The following MAPKAP1 variants were observed in gnomAD, a reference collection of about 807,000 sequenced individuals.
MAPKAP1 encodes target of rapamycin complex 2 subunit MAPKAP1.
A neutral mutation model predicts 65.7 loss-of-function variants in MAPKAP1; 20 were observed. That is an observed-to-expected ratio of 0.30 (90% CI 0.21 to 0.44). MAPKAP1 has a LOEUF of 0.44. Ranked by LOEUF, MAPKAP1 falls within the 20% of genes least tolerant of loss-of-function variation. MAPKAP1 has a pLI of 1.00. For synonymous variants in MAPKAP1, 222 were observed against 244.3 expected (o/e 0.91, Z 0.85); for missense variants, 423 against 648.0 (o/e 0.65, Z 3.77).
chr9:125,654,480 G>A (rs1466833113), intron 4 of MAPKAP1, among the ~76,000 whole-genome samples: 1 of 152,094 alleles, frequency 6.6e-6, no homozygotes, highest in Non-Finnish European at 1.5e-5. Flanking sequence ...AGATCACAGA[G>A]AGCATCACCA....
At chr9:125,681,007 T>A (rs1487454110) in intron 1 of MAPKAP1, among the ~76,000 whole-genome samples, 1 of 152,234 alleles carries the variant, frequency 6.6e-6, no homozygotes, top group Non-Finnish European at 1.5e-5. Context: ...TCACTTTTCA[T>A]GTAACAACAT....
chr9:125,607,388 A>G (rs889708618), intron 4 of MAPKAP1, among the ~76,000 whole-genome samples: 36 of 152,246 alleles, frequency 2.4e-4, no homozygotes, highest in African/African-American at 8.7e-4. Flanking sequence ...ATATTTATCA[A>G]ACACTATAGG....
At chr9:125,618,607 G>C (rs1832811070) in intron 4 of MAPKAP1, among the ~76,000 whole-genome samples, 1 of 151,980 alleles carries the variant, frequency 6.6e-6, no homozygotes, top group Admixed American at 6.5e-5. Flanking sequence ...CAGAATGGAA[G>C]AAAAAAGAAT....
chr9:125,698,796 T>C (rs1234518490), intron 1 of MAPKAP1, among the ~76,000 whole-genome samples: 1 of 152,198 alleles, frequency 6.6e-6, no homozygotes, highest in East Asian at 1.9e-4. Flanking sequence ...GAAGTGTTTC[T>C]TGTTACTCAG....
At chr9:125,568,505 C>T (rs1430700408) in intron 5 of MAPKAP1, among the ~76,000 whole-genome samples, 1 of 152,174 alleles carries the variant, frequency 6.6e-6, no homozygotes, top group Non-Finnish European at 1.5e-5. Context: ...CCCCACCCTG[C>T]CACAGGCAAT....
intron 4 of MAPKAP1, among the ~76,000 whole-genome samples, chr9:125,629,814 T>C (rs1833225460): frequency 6.6e-6 from 1 of 152,196 alleles, no homozygotes; most frequent in Admixed American, 6.5e-5. Flanking sequence ...AATGCAGGCA[T>C]GGTTCACTCC....
At chr9:125,608,961 T>C (rs745879020) in intron 4 of MAPKAP1, among the ~76,000 whole-genome samples, 2 of 152,088 alleles carry the variant, frequency 1.3e-5, no homozygotes, top group Non-Finnish European at 2.9e-5. Context: ...GTTACACAAT[T>C]CCCTCTTATT....
At chr9:125,527,130 T>C (rs1476307521) in intron 7 of MAPKAP1, among the ~76,000 whole-genome samples, 2 of 151,600 alleles carry the variant, frequency 1.3e-5, no homozygotes, top group Non-Finnish European at 1.5e-5. Flanking sequence ...AGTGGCGCGA[T>C]CTTGGCTCAC....
At chr9:125,542,373 G>A (rs993509993) in intron 7 of MAPKAP1, among the ~76,000 whole-genome samples, 1 of 152,116 alleles carries the variant, frequency 6.6e-6, no homozygotes, top group African/African-American at 2.4e-5. Flanking sequence ...TTTATTTACA[G>A]AGCTAAGATA....
chr9:125,481,272 A>T (rs994323190), intron 9 of MAPKAP1, among the ~76,000 whole-genome samples: 2 of 151,934 alleles, frequency 1.3e-5, no homozygotes, highest in South Asian at 2.1e-4. Flanking sequence ...TTGCCTTTGG[A>T]AAAAAGTGGG....
chr9:125,490,982 C>T (rs1475666354), intron 8 of MAPKAP1, among the ~76,000 whole-genome samples: 1 of 151,488 alleles, frequency 6.6e-6, no homozygotes, highest in African/African-American at 2.4e-5. Context: ...TATAAAAATA[C>T]AAAAAATTAG....
At chr9:125,551,983 G>A (rs1830597987) in intron 6 of MAPKAP1, among the ~76,000 whole-genome samples, 1 of 152,126 alleles carries the variant, frequency 6.6e-6, no homozygotes, top group African/African-American at 2.4e-5. Context: ...GGCACTATCT[G>A]AGCTCCAGCT....
At chr9:125,640,315 G>A (rs2131708404) in intron 4 of MAPKAP1, among the ~76,000 whole-genome samples, 1 of 152,090 alleles carries the variant, frequency 6.6e-6, no homozygotes, top group African/African-American at 2.4e-5. Context: ...GTGTTAGCCA[G>A]GATGGTCTCG....
intron 9 of MAPKAP1, among the ~76,000 whole-genome samples, chr9:125,481,865 TCACGCCTGTAATCCCAG>T (rs1564526231): frequency 6.6e-6 from 1 of 151,694 alleles, no homozygotes; most frequent in Non-Finnish European, 1.5e-5. Flanking sequence ...GCGTGGTGGT[TCACGCCTGTAATCCCAG>T]CACTTTGGGA....
At chr9:125,676,498 C>T (rs925926478) in intron 1 of MAPKAP1, among the ~76,000 whole-genome samples, 3 of 151,986 alleles carry the variant, frequency 2.0e-5, no homozygotes, top group South Asian at 2.1e-4. Flanking sequence ...GAGAACATTA[C>T]GCTAAGTGAA....
intron 1 of MAPKAP1, 114 bp from the exon 2 acceptor site, chr9:125,672,757 C>T (rs1463677926): frequency 4.5e-6 from 3 of 669,046 alleles, no homozygotes; most frequent in Non-Finnish European, 7.6e-6. Context: ...ACATTTATCC[C>T]TGTTCTGTGG....
intron 3 of MAPKAP1, among the ~76,000 whole-genome samples, chr9:125,664,273 G>A (rs1834271675): frequency 6.6e-6 from 1 of 151,802 alleles, no homozygotes; most frequent in African/African-American, 2.4e-5. Flanking sequence ...CTTGAACCTT[G>A]GAGGCAAAGG....
intron 10 of MAPKAP1, among the ~76,000 whole-genome samples, chr9:125,464,781 C>A (rs1360488108): frequency 1.3e-5 from 2 of 152,182 alleles, no homozygotes; most frequent in Non-Finnish European, 2.9e-5. Flanking sequence ...TCCCTGCAGC[C>A]GCTCAAATGC....
At chr9:125,635,218 A>G (rs1161235296) in intron 4 of MAPKAP1, among the ~76,000 whole-genome samples, 1 of 152,214 alleles carries the variant, frequency 6.6e-6, no homozygotes, top group Non-Finnish European at 1.5e-5. Context: ...AGATGCTCTT[A>G]AACGTCTACA....
Sources: allele counts gnomAD v4.1 joint callset (sites outside exome capture counted in the v4.1 genomes callset), GRCh38; gene constraint gnomAD v4.1.1; transcripts MANE v1.5; gene names NCBI Gene and HGNC (gene_info 2026-07-23, HGNC 2026-07-21).